The following CWC25 variants were observed in gnomAD, a reference collection of about 807,000 sequenced individuals.
CWC25 encodes the protein pre-mRNA-splicing factor CWC25 homolog.
Under a neutral mutation model 54.6 loss-of-function variants are expected in CWC25, and 31 were observed. The observed-to-expected ratio is 0.57, with a 90% CI of 0.43 to 0.77. The LOEUF (loss-of-function observed/expected upper bound fraction) is 0.77. Ranked by LOEUF, CWC25 falls within the 30% of genes least tolerant of loss-of-function variation. The pLI is 0.00. For missense variants in CWC25, 453 were observed against 529.3 expected (o/e 0.86, Z 1.41); for synonymous variants, 151 against 187.0 (o/e 0.81, Z 1.57).
intron 1 of CWC25, among the ~76,000 whole-genome samples, chr17:38,824,562 T>C (rs965160228): frequency 6.6e-6 from 1 of 152,076 alleles, no homozygotes; most frequent in Non-Finnish European, 1.5e-5. Flanking sequence ...GGCGCATGCC[T>C]GTAATCCCAG....
At chr17:38,812,036 T>C (rs1459505571) in intron 4 of CWC25, among the ~76,000 whole-genome samples, 1 of 151,740 alleles carries the variant, frequency 6.6e-6, no homozygotes, top group African/African-American at 2.4e-5. Context: ...TCTCCCGGGT[T>C]CAAGCAAGTC....
chr17:38,806,964 C>T lies in CWC25; in HGVS notation c.703G>A (p.Asp235Asn), dbSNP rs1373458470. 2 of 1,612,500 alleles carry T rather than the reference C, an allele frequency of 1.2e-6. No individual in the cohort carries two copies. The highest frequency in any genetic ancestry group is 2.2e-5 in the South Asian group (2 of 90,978). The change falls in exon 7 of 10, where the codon GAC becomes AAC. Residue 235 changes from aspartate (D) to asparagine (N), a missense_variant. Asp to Asn is a conservative substitution (Grantham distance 23). This residue lies in a region of CWC25 where 444 missense variants were observed against 499.2 expected (regional missense o/e 0.89). Coordinates refer to ENST00000614790, the MANE Select transcript of CWC25 (RefSeq NM_017748.5). Reference protein sequence around the residue: ...PGYGLQVRNSDRNQGLQGPLT... With the variant: ...PGYGLQVRNSNRNQGLQGPLT... ...GGACCCTGAAGACCCTGGTTACGGT[C>T]AGAGTTCCGGACCTACATCATTAAG...
At chr17:38,803,870 T>C (rs990570433) in intron 8 of CWC25, among the ~76,000 whole-genome samples, 1 of 151,492 alleles carries the variant, frequency 6.6e-6, no homozygotes, top group African/African-American at 2.4e-5. Flanking sequence ...AGACCTCCCA[T>C]CTCTGCAAAA....
intron 1 of CWC25, among the ~76,000 whole-genome samples, chr17:38,821,395 T>A (rs1257942412): frequency 6.6e-6 from 1 of 152,122 alleles, no homozygotes; most frequent in Non-Finnish European, 1.5e-5. Flanking sequence ...ACGCCTCTAC[T>A]GAAAATACAA....
rs201865422 is a variant in CWC25 at position 38,806,319 on chromosome 17, G to A, written c.979C>T (p.Arg327Ter). Reference protein sequence around the residue: ...PSPKKEVYQRRHAPGYTRKLS... With the variant: ...PSPKKEVYQR ...CACCTGGTGTATCCGGGAGCATGTCGCCTTTGGTAGACCTCTTTTTTAGGT... is the reference window on the plus strand; with the variant it reads ...CACCTGGTGTATCCGGGAGCATGTCACCTTTGGTAGACCTCTTTTTTAGGT... The change falls in exon 8 of 10, where the codon CGA (arginine) becomes TGA (stop). Residue 327 changes from arginine (R) to a stop codon, truncating the protein, a stop_gained. Transcript: ENST00000614790. LOFTEE classifies it high-confidence loss of function. 17 of 1,612,568 alleles carry A rather than the reference G, an allele frequency of 1.1e-5. No homozygotes were observed. The highest frequency in any genetic ancestry group is 1.3e-5 in the Non-Finnish European group (15 of 1,179,408).
chr17:38,809,897 G>A (rs760619543), intron 5 of CWC25, 132 bp from the exon 6 acceptor site: 24 of 765,204 alleles, frequency 3.1e-5, no homozygotes, highest in South Asian at 5.5e-5. Flanking sequence ...CTGGCAGTAC[G>A]TTTCTCTATT....
chr17:38,804,799 C>CAA (rs4042818), intron 8 of CWC25, among the ~76,000 whole-genome samples: 32 of 64,696 alleles, frequency 4.9e-4, no homozygotes, highest in Non-Finnish European at 6.7e-4. Context: ...CAGAGCGAGA[C>CAA]AAAAAAAAAA....
intron 2 of CWC25, among the ~76,000 whole-genome samples, chr17:38,817,035 G>A (rs1370790069): frequency 2.6e-5 from 4 of 151,440 alleles, no homozygotes. Context: ...GAGAAACACT[G>A]TAGTCTACAG....
In CWC25 at chr17:38,800,827, A is replaced by C. The variant is rs1910982033; in HGVS notation, c.*1265T>G. 1.3e-5 allele frequency: 2 copies of C among 152,106 alleles called. No individual in the cohort carries two copies. Among genetic ancestry groups the C allele is most frequent in the Admixed American group, 1.3e-4 (2 of 15,256 alleles). The allele number at this position is 152,106 out of a possible 1,614,324, so 9.4% of individuals were successfully genotyped here. A position where few individuals can be genotyped will look rare whatever the true frequency, so the allele number is the denominator to read the frequency against. The stretch of plus-strand genomic sequence containing the variant: ...GAGACGGAATCTCGCTCTGTCACCC[A>C]GGCTGGAGTGCGGTGGCACAATCTC... On this transcript the variant is annotated 3_prime_UTR_variant, in exon 10 of 10. Coordinates refer to ENST00000614790, the MANE Select transcript of CWC25 (RefSeq NM_017748.5).
In CWC25 at chr17:38,806,370, C is replaced by G. The variant is rs1325517415; in HGVS notation, c.928G>C (p.Glu310Gln). 2 of 1,613,542 alleles carry G rather than the reference C, an allele frequency of 1.2e-6. No individual in the cohort carries two copies. Among genetic ancestry groups the G allele is most frequent in the Non-Finnish European group, 8.5e-7 (1 of 1,179,820 alleles). Reference protein sequence around the residue: ...KLHNSKVNRRETGQTRSPSPK... With the variant: ...KLHNSKVNRRQTGQTRSPSPK... ...GATGGGCTCCTAGTTTGGCCTGTCT[C>G]TCTCCTGTTCACCTTAGAGTTGTGC... is the stretch of plus-strand genomic sequence containing the variant. Residue 310 changes from glutamate to glutamine, a missense_variant, in exon 8 of 10, where the codon GAG becomes CAG. Physicochemically the swap from Glu to Gln is conservative, Grantham distance 29. Transcript: ENST00000614790.
chr17:38,809,188 G>A (rs1414883849), intron 6 of CWC25, among the ~76,000 whole-genome samples: 7 of 151,906 alleles, frequency 4.6e-5, no homozygotes, highest in African/African-American at 1.7e-4. Flanking sequence ...AGCACTTTGG[G>A]AGGCCGAGGC....
At chr17:38,822,569 T>C (rs1193299449) in intron 1 of CWC25, among the ~76,000 whole-genome samples, 1 of 152,108 alleles carries the variant, frequency 6.6e-6, no homozygotes, top group Non-Finnish European at 1.5e-5. Context: ...TTCCCAATAA[T>C]GAAATGTTCC....
intron 3 of CWC25, 147 bp from the exon 4 acceptor site, chr17:38,813,011 A>G: frequency 1.7e-6 from 1 of 579,476 alleles, no homozygotes; most frequent in Non-Finnish European, 3.1e-6. Flanking sequence ...CTGTAATCCC[A>G]GCTACTTGGG....
chr17:38,804,799 CAAAA>C (rs4042818), intron 8 of CWC25, among the ~76,000 whole-genome samples: 1,221 of 64,790 alleles, frequency 0.019, 8 homozygotes, highest in African/African-American at 0.057. Context: ...CAGAGCGAGA[CAAAA>C]AAAAAAAAAA....
chr17:38,816,612 A>G (rs1378088879), intron 2 of CWC25, among the ~76,000 whole-genome samples: 1 of 152,116 alleles, frequency 6.6e-6, no homozygotes, highest in Admixed American at 6.6e-5. Context: ...CTGTGAGCAT[A>G]AAGAATGTTT....
chr17:38,820,268 T>G (rs1911870213), intron 2 of CWC25, among the ~76,000 whole-genome samples: 3 of 152,210 alleles, frequency 2.0e-5, no homozygotes, highest in Non-Finnish European at 4.4e-5. Context: ...TTATTCTGAC[T>G]TAAGAATACA....
At chr17:38,823,919 A>G (rs1912031232) in intron 1 of CWC25, among the ~76,000 whole-genome samples, 1 of 152,184 alleles carries the variant, frequency 6.6e-6, no homozygotes, top group Non-Finnish European at 1.5e-5. Flanking sequence ...GGACAGCCCA[A>G]CTACCACCAC....
intron 8 of CWC25, 96 bp downstream of exon 8, chr17:38,806,201 G>A (rs1911228131): frequency 6.3e-6 from 7 of 1,113,492 alleles, no homozygotes; most frequent in South Asian, 2.7e-5. Context: ...TTGGTTCGTC[G>A]AAAAGGTAAT....
intron 1 of CWC25, among the ~76,000 whole-genome samples, chr17:38,822,699 G>A (rs1377441409): frequency 6.6e-6 from 1 of 152,132 alleles, no homozygotes; most frequent in East Asian, 1.9e-4. Flanking sequence ...TCCTGGTGGT[G>A]AGAAAGAACA....
Sources: gnomAD v4.1 joint callset for allele counts (sites outside exome capture counted in the v4.1 genomes callset) on GRCh38, gnomAD v4.1.1 for gene constraint, gnomAD v4.1.1 regional missense constraint, MANE v1.5 for transcripts, NCBI Gene and HGNC (gene_info 2026-07-23, HGNC 2026-07-21) for gene names.